Variants in B3GALT1 observed in about 807,000 individuals in gnomAD.
B3GALT1 encodes UDP-Gal:betaGlcNAc beta 1,3-galactosyltransferase, polypeptide 1.
Under a neutral mutation model 23.2 loss-of-function variants are expected in B3GALT1, and 10 were observed. The observed-to-expected ratio is 0.43, with a 90% CI of 0.27 to 0.73. The LOEUF is 0.73. Ranked by LOEUF, B3GALT1 falls within the 30% of genes least tolerant of loss-of-function variation. The pLI is 0.21. For missense variants in B3GALT1, 299 were observed against 405.4 expected (o/e 0.74, Z 2.25); for synonymous variants, 156 against 141.5 (o/e 1.10, Z -0.73).
At chr2:167,460,286 A>C (rs1252879441) in intron 1 of B3GALT1, among the ~76,000 whole-genome samples, 1 of 152,048 alleles carries the variant, frequency 6.6e-6, no homozygotes. Context: ...CGGTCTGTTC[A>C]CTTTTCTTCA....
intron 2 of B3GALT1, among the ~76,000 whole-genome samples, chr2:167,581,540 C>T (rs898742347): frequency 1.2e-4 from 18 of 152,284 alleles, no homozygotes; most frequent in East Asian, 1.2e-3. Context: ...ACTTCTTAAA[C>T]GGATATATCT....
intron 2 of B3GALT1, among the ~76,000 whole-genome samples, chr2:167,580,764 T>C (rs927856213): frequency 6.6e-6 from 1 of 152,188 alleles, no homozygotes; most frequent in African/African-American, 2.4e-5. Context: ...CAAATGTCTA[T>C]AGTCTTTTTG....
At chr2:167,333,792 A>G (rs550281039) in intron 1 of B3GALT1, among the ~76,000 whole-genome samples, 2 of 152,204 alleles carry the variant, frequency 1.3e-5, no homozygotes, top group Non-Finnish European at 2.9e-5. Context: ...GAGGAAGTGA[A>G]CTAGATTAGC....
At chr2:167,495,613 G>A (rs1043312675) in intron 2 of B3GALT1, among the ~76,000 whole-genome samples, 6 of 152,064 alleles carry the variant, frequency 3.9e-5, no homozygotes, top group African/African-American at 9.7e-5. Context: ...GATTACAGGC[G>A]TGAGCCACCG....
chr2:167,685,801 T>C (rs1686609325), intron 3 of B3GALT1, among the ~76,000 whole-genome samples: 2 of 152,320 alleles, frequency 1.3e-5, no homozygotes, highest in South Asian at 4.1e-4. Flanking sequence ...ACCCTGCTCT[T>C]TTATCTACTT....
rs1558974686 is a variant in B3GALT1 at position 167,774,472 on chromosome 2, G to GTTTTTTTTGTTTGTTTTTTT, written c.-351-44192_-351-44191insGTTTGTTTTTTTTTTTTTTT. ...TTCTGTAGTTTTTCTGTGTTTATTG[G>GTTTTTTTTGTTTGTTTTTTT]TTTTTTTTTTTTGTTTTTTTTTTTG... On this transcript the variant is annotated intron_variant, in intron 3 of 4. Transcript: ENST00000392690. Among the ~76,000 whole-genome samples, 4 of 111,932 alleles carry GTTTTTTTTGTTTGTTTTTTT rather than the reference G, an allele frequency of 3.6e-5. 1 individual carries two copies. The highest frequency in any genetic ancestry group is 3.7e-5 in the Non-Finnish European group (2 of 54,420). The allele number at this position is 111,932 out of a possible 152,430, so 73.4% of individuals were successfully genotyped here. A position where few individuals can be genotyped will look rare whatever the true frequency, so the allele number is the denominator to read the frequency against.
At chr2:167,492,877 ATGTGTGTG>A (rs61117741) in intron 2 of B3GALT1, among the ~76,000 whole-genome samples, 2 of 149,202 alleles carry the variant, frequency 1.3e-5, no homozygotes, top group Admixed American at 6.7e-5. Context: ...GTATTTAGAG[ATGTGTGTG>A]TGTGTGTGTG....
intron 3 of B3GALT1, among the ~76,000 whole-genome samples, chr2:167,719,657 G>A (rs1430118665): frequency 1.3e-5 from 2 of 152,198 alleles, no homozygotes; most frequent in Non-Finnish European, 2.9e-5. Flanking sequence ...CAGGGGACTG[G>A]GCGTGGTGGC....
chr2:167,306,710 G>A (rs1375221008), intron 1 of B3GALT1, among the ~76,000 whole-genome samples: 3 of 151,860 alleles, frequency 2.0e-5, no homozygotes, highest in East Asian at 1.9e-4. Context: ...TCTTAATCAC[G>A]GAACTTCCTT....
At chr2:167,745,675 G>T (rs2390604) in intron 3 of B3GALT1, among the ~76,000 whole-genome samples, 2 of 150,970 alleles carry the variant, frequency 1.3e-5, no homozygotes, top group African/African-American at 4.9e-5. Context: ...TTAGCTGTTC[G>T]GTTTTTTTCT....
chr2:167,545,523 A>G (rs548536126), intron 2 of B3GALT1, among the ~76,000 whole-genome samples: 5 of 152,322 alleles, frequency 3.3e-5, no homozygotes, highest in Admixed American at 6.5e-5. Flanking sequence ...GCTTGCCGCT[A>G]TAACTCATTT....
intron 2 of B3GALT1, among the ~76,000 whole-genome samples, chr2:167,546,027 T>A (rs551503269): frequency 2.6e-5 from 4 of 152,278 alleles, no homozygotes; most frequent in African/African-American, 9.6e-5. Flanking sequence ...AAACGTGAGG[T>A]CTGGTGTGAA....
At chr2:167,521,086 ATT>A (rs1427069106) in intron 2 of B3GALT1, among the ~76,000 whole-genome samples, 1 of 151,662 alleles carries the variant, frequency 6.6e-6, no homozygotes, top group Non-Finnish European at 1.5e-5. Flanking sequence ...TAAACTGCTG[ATT>A]TCTTTGGAGC....
intron 3 of B3GALT1, among the ~76,000 whole-genome samples, chr2:167,662,271 G>C (rs1427938295): frequency 6.6e-6 from 1 of 152,028 alleles, no homozygotes; most frequent in African/African-American, 2.4e-5. Context: ...TAAATAGCCT[G>C]TTCTTTAGTA....
chr2:167,375,760 A>G (rs955347955), intron 1 of B3GALT1, among the ~76,000 whole-genome samples: 8 of 152,138 alleles, frequency 5.3e-5, no homozygotes, highest in African/African-American at 1.4e-4. Context: ...AGGGTTTTCT[A>G]CATATAGAAT....
intron 3 of B3GALT1, among the ~76,000 whole-genome samples, chr2:167,658,752 A>C (rs549877691): frequency 1.6e-4 from 24 of 152,190 alleles, no homozygotes; most frequent in African/African-American, 5.3e-4. Flanking sequence ...AGTATAATGC[A>C]AGGTAATTAG....
intron 2 of B3GALT1, among the ~76,000 whole-genome samples, chr2:167,571,587 A>G (rs1290332770): frequency 6.6e-6 from 1 of 151,902 alleles, no homozygotes; most frequent in Non-Finnish European, 1.5e-5. Flanking sequence ...CCCTCCAGAA[A>G]CACATGGGTT....
At chr2:167,846,722 C>T (rs111277837) in intron 4 of B3GALT1, among the ~76,000 whole-genome samples, 3 of 152,164 alleles carry the variant, frequency 2.0e-5, no homozygotes, top group African/African-American at 7.2e-5. Context: ...AGTACACAGG[C>T]AACAAACAGC....
chr2:167,719,269 T>G (rs1687195927), intron 3 of B3GALT1, among the ~76,000 whole-genome samples: 1 of 152,220 alleles, frequency 6.6e-6, no homozygotes, highest in Non-Finnish European at 1.5e-5. Context: ...GTATGTGCAT[T>G]GATTTTTGAG....
Sources: allele counts gnomAD v4.1 joint callset (sites outside exome capture counted in the v4.1 genomes callset), GRCh38; gene constraint gnomAD v4.1.1; transcripts MANE v1.5; gene names NCBI Gene and HGNC (gene_info 2026-07-23, HGNC 2026-07-21).